Variants in ANKIB1 observed in about 807,000 individuals in gnomAD.
The protein encoded by ANKIB1 is ankyrin repeat and IBR domain-containing protein 1.
A neutral mutation model predicts 122.1 loss-of-function variants in ANKIB1; 43 were observed. That is an observed-to-expected ratio of 0.35 (90% CI 0.28 to 0.45). The LOEUF is 0.45. ANKIB1 is among the 20% of genes least tolerant of loss of function. The pLI is 1.00. For synonymous variants in ANKIB1, 390 were observed against 442.0 expected, an observed-to-expected ratio of 0.88 and a Z score of 1.48; for missense variants, 992 against 1,329.5, an observed-to-expected ratio of 0.75 and a Z score of 3.95.
chr7:92,264,839 A>C (rs772724066), intron 1 of ANKIB1, among the ~76,000 whole-genome samples: 3 of 152,068 alleles, frequency 2.0e-5, no homozygotes, highest in Non-Finnish European at 2.9e-5. Flanking sequence ...GAATAGACAA[A>C]CACTAAACAT....
chr7:92,275,378 C>T (rs1195218286), intron 1 of ANKIB1, among the ~76,000 whole-genome samples: 1 of 152,028 alleles, frequency 6.6e-6, no homozygotes, highest in Non-Finnish European at 1.5e-5. Flanking sequence ...AAGTATTGTT[C>T]CCAATTGTTT....
chr7:92,257,519 G>A (rs1350446810), intron 1 of ANKIB1, among the ~76,000 whole-genome samples: 1 of 152,252 alleles, frequency 6.6e-6, no homozygotes, highest in East Asian at 1.9e-4. Flanking sequence ...GTAGCCAGAC[G>A]CGGTGGCTCA....
At position 92,397,745 on chromosome 7, in the gene ANKIB1, C is replaced by T; in HGVS notation, c.2418C>T (p.Ser806=). 1 of 1,611,820 alleles carries T rather than the reference C, an allele frequency of 6.2e-7. No individual in the cohort carries two copies. Among genetic ancestry groups the T allele is most frequent in the South Asian group, 1.1e-5 (1 of 90,860 alleles). Residue 806 remains serine (S), a synonymous_variant, in exon 19 of 20, where the codon AGC becomes AGT. Transcript: ENST00000265742. ...CAGATATTCCAGAAGGCGGCAGCAG[C>T]AGCCGCAGGCCTGGCACATCCGTGG... ...STLDIPEGGS[S]SRRPGTSVVS...
At chr7:92,246,668 C>A (rs977825512) in intron 1 of ANKIB1, 149 bp downstream of exon 1, 1 of 444,172 alleles carries the variant, frequency 2.3e-6, no homozygotes, top group Non-Finnish European at 4.5e-6. Flanking sequence ...CTGTCTGTCC[C>A]CATCCCTGAA....
chr7:92,396,276 T>C lies in ANKIB1; in HGVS notation c.2284-89T>C, dbSNP rs1264066532. 4.0e-6 allele frequency: 3 copies of C among 756,456 alleles called. No individual in the cohort carries two copies. In the South Asian group the frequency reaches 4.8e-5, roughly 12 times the overall value. The allele number at this position is 756,456 out of a possible 1,614,324, so 46.9% of individuals were successfully genotyped here. A position where few individuals can be genotyped will look rare whatever the true frequency, so the allele number is the denominator to read the frequency against. ...AAGATGTGTATAAAATCACAAACTT[T>C]TTCCCCTGGAAAAAAGTGTGTACTT... On this transcript the variant is annotated intron_variant, in intron 17 of 19. Transcript: ENST00000265742.
chr7:92,300,846 C>G (rs192781616), intron 2 of ANKIB1, among the ~76,000 whole-genome samples: 342 of 152,208 alleles, frequency 2.2e-3, no homozygotes, highest in Non-Finnish European at 3.5e-3. Context: ...TGACGAACAT[C>G]TCCCCATTTT....
chr7:92,370,492 A>G (rs1174661747), intron 10 of ANKIB1, among the ~76,000 whole-genome samples: 1 of 129,540 alleles, frequency 7.7e-6, no homozygotes, highest in African/African-American at 3.0e-5. Context: ...TGGGTGACAG[A>G]GCAAGACTCT....
chr7:92,294,803 AT>A lies in ANKIB1; in HGVS notation c.-90-78del, dbSNP rs568594225. Reference sequence around the variant, plus strand: ...TGGTTCCCTTATCGATGATTCCCAGATTTTTTTTAGTGTTCCTAATTGTGTT... The same window carrying A: ...TGGTTCCCTTATCGATGATTCCCAGATTTTTTTAGTGTTCCTAATTGTGTT... On this transcript the variant is annotated intron_variant, in intron 1 of 19. Coordinates refer to ENST00000265742, the MANE Select transcript of ANKIB1 (RefSeq NM_019004.2). 7.7e-4 allele frequency: 394 copies of A among 509,586 alleles called. 1 individual carries two copies. The highest frequency in any genetic ancestry group is 6.6e-3 in the African/African-American group (338 of 51,130). 31.6% of individuals were successfully genotyped at this position (509,586 alleles called of 1,614,324 possible).
intron 3 of ANKIB1, among the ~76,000 whole-genome samples, 152 bp downstream of exon 3, chr7:92,307,808 C>CTTTTTT (rs71107855): frequency 4.2e-4 from 20 of 47,916 alleles, no homozygotes; most frequent in African/African-American, 1.1e-3. Flanking sequence ...TAAAGGGCCT[C>CTTTTTT]TTTTTTTTTT....
intron 1 of ANKIB1, among the ~76,000 whole-genome samples, chr7:92,287,015 A>G (rs1802145361): frequency 6.6e-6 from 1 of 152,144 alleles, no homozygotes; most frequent in African/African-American, 2.4e-5. Context: ...ATGCCTTCCT[A>G]CAGTCTCTTC....
At chr7:92,305,332 C>T in intron 2 of ANKIB1, among the ~76,000 whole-genome samples, 1 of 152,154 alleles carries the variant, frequency 6.6e-6, no homozygotes, top group Admixed American at 6.5e-5. Context: ...GCACTGCTGG[C>T]TCAAGAGATT....
intron 1 of ANKIB1, among the ~76,000 whole-genome samples, chr7:92,250,074 AG>A (rs1303561114): frequency 1.3e-5 from 2 of 152,254 alleles, no homozygotes; most frequent in African/African-American, 4.8e-5. Context: ...TAATTTCATA[AG>A]GTACTAGTAT....
At chr7:92,297,212 G>A (rs1171287454) in intron 2 of ANKIB1, among the ~76,000 whole-genome samples, 4 of 152,180 alleles carry the variant, frequency 2.6e-5, no homozygotes, top group East Asian at 1.9e-4. Context: ...TGTAACTGGC[G>A]AAGCTTGTTG....
chr7:92,327,094 A>G (rs1442270122), intron 4 of ANKIB1, among the ~76,000 whole-genome samples: 1 of 152,220 alleles, frequency 6.6e-6, no homozygotes, highest in African/African-American at 2.4e-5. Flanking sequence ...TTGAATAATG[A>G]TTATTGCTTA....
At chr7:92,317,131 A>G (rs1261720858) in intron 3 of ANKIB1, among the ~76,000 whole-genome samples, 4 of 152,210 alleles carry the variant, frequency 2.6e-5, no homozygotes, top group Non-Finnish European at 4.4e-5. Context: ...AGATCCTGCT[A>G]TGGATATGAT....
At chr7:92,346,706 A>T (rs1803547792) in intron 7 of ANKIB1, among the ~76,000 whole-genome samples, 1 of 152,226 alleles carries the variant, frequency 6.6e-6, no homozygotes, top group South Asian at 2.1e-4. Context: ...ATTAGGAAGT[A>T]CTACCTGAGC....
intron 10 of ANKIB1, among the ~76,000 whole-genome samples, chr7:92,368,604 C>A (rs369573039): frequency 1.3e-5 from 2 of 151,974 alleles, no homozygotes; most frequent in Admixed American, 1.3e-4. Flanking sequence ...ACCTGTAGTC[C>A]CAACTACTTG....
chr7:92,317,553 A>G (rs189003064), intron 3 of ANKIB1, among the ~76,000 whole-genome samples: 2 of 152,326 alleles, frequency 1.3e-5, no homozygotes, highest in East Asian at 3.9e-4. Flanking sequence ...CCATAGGTCT[A>G]TATTTCATAG....
chr7:92,296,441 G>A (rs1469189831), intron 2 of ANKIB1, among the ~76,000 whole-genome samples: 1 of 151,992 alleles, frequency 6.6e-6, no homozygotes, highest in African/African-American at 2.4e-5. Context: ...GCCCAGTCTA[G>A]TCTTGTACTC....
Sources: allele counts gnomAD v4.1 joint callset (sites outside exome capture counted in the v4.1 genomes callset), GRCh38; gene constraint gnomAD v4.1.1; transcripts MANE v1.5; gene names NCBI Gene and HGNC (gene_info 2026-07-23, HGNC 2026-07-21).